The following IRAG1 variants were observed in gnomAD, a reference collection of about 807,000 sequenced individuals.
The protein encoded by IRAG1 is inositol 1,4,5-triphosphate receptor associated 1.
In IRAG1, 62 loss-of-function variants were observed where a neutral mutation model predicts 106.2. The ratio of observed to expected loss-of-function variants is 0.58; its 90% CI spans 0.48 to 0.72. IRAG1 has a LOEUF of 0.72. Ranked by LOEUF, IRAG1 falls within the 30% of genes least tolerant of loss-of-function variation. IRAG1 has a pLI of 0.00. For synonymous variants in IRAG1, 462 were observed against 443.9 expected, an observed-to-expected ratio of 1.04 and a Z score of -0.51; for missense variants, 1,064 against 1,140.7, an observed-to-expected ratio of 0.93 and a Z score of 0.97.
In IRAG1 at chr11:10,626,389, T is replaced by C; in HGVS notation, c.945A>G (p.Lys315=). The C allele has an allele frequency of 6.2e-7, 1 of 1,613,894 alleles. No individual in the cohort carries two copies. The highest frequency in any genetic ancestry group is 8.5e-7 in the Non-Finnish European group (1 of 1,179,852). The change falls in exon 9 of 21, where the codon AAA becomes AAG. Residue 315 remains lysine, a synonymous_variant. Coordinates refer to ENST00000423302, the MANE Select transcript of IRAG1 (RefSeq NM_130385.4). ...CAGGCTGAGGGCTGTTCAGGGCCAT[T>C]TTCCCACTGCTGTTTGTAACAGGAG... ...GLAPVTNSSG[K]MALNSPQPGP...
intron 2 of IRAG1, among the ~76,000 whole-genome samples, chr11:10,648,566 C>G (rs530457033): frequency 6.6e-5 from 10 of 152,314 alleles, no homozygotes; most frequent in Admixed American, 2.6e-4. Context: ...GTCTGTCATT[C>G]TGTGGTCCCC....
Position 10,601,075 on chromosome 11 carries a change from G to A in IRAG1, c.1876-16C>T, listed in dbSNP as rs760350953. The A allele has an allele frequency of 7.0e-5, 113 of 1,612,756 alleles. No individual in the cohort carries two copies. Among genetic ancestry groups the A allele is most frequent in the Middle Eastern group, 1.6e-4 (1 of 6,082 alleles). Reference sequence around the variant, plus strand: ...TGCGCTTTTCCTGCGGGGAAGGAGCGCATGAGTGCATGAGGCCATTGGAGG... The same window carrying A: ...TGCGCTTTTCCTGCGGGGAAGGAGCACATGAGTGCATGAGGCCATTGGAGG... On this transcript the variant is annotated splice_polypyrimidine_tract_variant and intron_variant, in intron 14 of 20. Transcript: ENST00000423302.
intron 2 of IRAG1, among the ~76,000 whole-genome samples, chr11:10,640,312 CACAATTCCAAGTGGCTT>C (rs1342795570): frequency 6.6e-6 from 1 of 152,208 alleles, no homozygotes; most frequent in African/African-American, 2.4e-5. Flanking sequence ...CGCAGACACT[CACAATTCCAAGTGGCTT>C]ACAAAGCAGG....
rs748988681 is a variant in IRAG1 at position 10,627,952 on chromosome 11, G to T, written c.705+21C>A. Reference sequence around the variant, plus strand: ...GACCCATTGGCATAGAAACAGCACAGCAGGTGGGGGGTCCTGTCACCTGTG... The same window carrying T: ...GACCCATTGGCATAGAAACAGCACATCAGGTGGGGGGTCCTGTCACCTGTG... On this transcript the variant is annotated intron_variant, in intron 7 of 20. Coordinates refer to ENST00000423302, the MANE Select transcript of IRAG1 (RefSeq NM_130385.4). The T allele has an allele frequency of 3.1e-6, 5 of 1,596,852 alleles. No individual in the cohort carries two copies. In the African/African-American group the frequency reaches 6.7e-5, roughly 21 times the overall value.
intron 1 of IRAG1, among the ~76,000 whole-genome samples, chr11:10,673,795 G>A (rs555525904): frequency 2.0e-5 from 3 of 152,138 alleles, no homozygotes; most frequent in South Asian, 4.1e-4. Flanking sequence ...AATTAAGCTC[G>A]ATGATTTATA....
intron 2 of IRAG1, among the ~76,000 whole-genome samples, chr11:10,651,508 GT>G (rs1202205866): frequency 6.6e-6 from 1 of 152,168 alleles, no homozygotes; most frequent in African/African-American, 2.4e-5. Flanking sequence ...AAAATAGCTT[GT>G]TTTGAATGCC....
chr11:10,674,125 C>T (rs1246821302), intron 1 of IRAG1, among the ~76,000 whole-genome samples: 1 of 152,136 alleles, frequency 6.6e-6, no homozygotes, highest in Admixed American at 6.5e-5. Flanking sequence ...AGTAGTAAAC[C>T]AGGTAGACCA....
intron 1 of IRAG1, among the ~76,000 whole-genome samples, chr11:10,670,350 C>T (rs1430633666): frequency 6.6e-6 from 1 of 152,130 alleles, no homozygotes. Flanking sequence ...GGTCATCCAC[C>T]CTCCTTGACT....
At chr11:10,589,641 AC>A (rs1287512261) in intron 18 of IRAG1, among the ~76,000 whole-genome samples, 3 of 151,732 alleles carry the variant, frequency 2.0e-5, no homozygotes, top group Non-Finnish European at 2.9e-5. Flanking sequence ...TTCATCCTGA[AC>A]CCCTCTTCCT....
chr11:10,579,171 C>G (rs989249959), intron 20 of IRAG1, among the ~76,000 whole-genome samples: 1 of 152,196 alleles, frequency 6.6e-6, no homozygotes, highest in Non-Finnish European at 1.5e-5. Flanking sequence ...GTTCTCCTAA[C>G]GGCTCTTCCC....
At chr11:10,616,333 A>G (rs1196536739) in intron 10 of IRAG1, among the ~76,000 whole-genome samples, 1 of 151,822 alleles carries the variant, frequency 6.6e-6, no homozygotes, top group Non-Finnish European at 1.5e-5. Context: ...ATATATGTCT[A>G]TATTTAGAAA....
At chr11:10,619,478 T>C (rs1855674951) in intron 10 of IRAG1, among the ~76,000 whole-genome samples, 1 of 152,148 alleles carries the variant, frequency 6.6e-6, no homozygotes, top group Admixed American at 6.5e-5. Flanking sequence ...CGGGGCTCTT[T>C]GATGGGGCTT....
At position 10,609,466 on chromosome 11, in the gene IRAG1, C is replaced by T. The variant is rs565951141; in HGVS notation, c.1571+262G>A. ...TGTCTCCTGGCTCAAAGCCCATTCT[C>T]TGCTGCCATGAGCTTCTGGTGACCC... On this transcript the variant is annotated intron_variant, in intron 11 of 20. Transcript: ENST00000423302. 6.6e-5 allele frequency among the ~76,000 whole-genome samples: 10 copies of T among 152,348 alleles called. No individual in the cohort carries two copies. The East Asian group carries it at 1.9e-3, about 29-fold the overall frequency.
At chr11:10,661,096 G>A (rs1428729196) in intron 1 of IRAG1, among the ~76,000 whole-genome samples, 2 of 151,876 alleles carry the variant, frequency 1.3e-5, no homozygotes, top group African/African-American at 4.8e-5. Context: ...ACCATGGGGG[G>A]GCCAGTTCTG....
rs1239148078 is a variant in IRAG1, at chr11:10,604,536, C to A, written c.1612G>T (p.Val538Leu). 1 of 1,614,034 alleles carries A rather than the reference C, an allele frequency of 6.2e-7. No homozygotes were observed. Among genetic ancestry groups the A allele is most frequent in the South Asian group, 1.1e-5 (1 of 91,080 alleles). The change falls in exon 13 of 21, where the codon GTG (valine) becomes TTG (leucine). Residue 538 changes from valine to leucine, a missense_variant. Coordinates refer to ENST00000423302, the MANE Select transcript of IRAG1 (RefSeq NM_130385.4). ...TTTCTAAAGGCCAAGGACAGTTGCA[C>A]AAACACGTTCTGTTGGGAACAAGGG... is the stretch of plus-strand genomic sequence containing the variant. ...LTEKEVENVF[V>L]QLSLAFRNDS...
chr11:10,638,758 A>C (rs1035384314), intron 2 of IRAG1, among the ~76,000 whole-genome samples: 1 of 152,136 alleles, frequency 6.6e-6, no homozygotes, highest in African/African-American at 2.4e-5. Flanking sequence ...GATGAGGATA[A>C]GCTGTGTCTA....
chr11:10,680,037 G>T (rs1405673773), intron 1 of IRAG1, among the ~76,000 whole-genome samples: 1 of 152,000 alleles, frequency 6.6e-6, no homozygotes. Flanking sequence ...ACTTTGGGAG[G>T]CTCAGGCAGG....
intron 2 of IRAG1, among the ~76,000 whole-genome samples, chr11:10,643,891 A>C (rs1857736966): frequency 6.6e-6 from 1 of 152,258 alleles, no homozygotes; most frequent in Non-Finnish European, 1.5e-5. Flanking sequence ...AATCTGTTTC[A>C]TTGCTCACAA....
At chr11:10,584,304 T>A (rs1308589162) in intron 18 of IRAG1, among the ~76,000 whole-genome samples, 1 of 152,120 alleles carries the variant, frequency 6.6e-6, no homozygotes, top group Non-Finnish European at 1.5e-5. Flanking sequence ...CATCTCTTAG[T>A]TTTCCTCAGA....
Sources: allele counts gnomAD v4.1 joint callset (sites outside exome capture counted in the v4.1 genomes callset), GRCh38; gene constraint gnomAD v4.1.1; transcripts MANE v1.5; gene names NCBI Gene and HGNC (gene_info 2026-07-23, HGNC 2026-07-21).